SLC2A5: variants seen among roughly 807,000 people sequenced by gnomAD.
The protein encoded by SLC2A5 is solute carrier family 2 member 5, also known as solute carrier family 2, facilitated glucose transporter member 5.
In SLC2A5, 56 loss-of-function variants were observed where a neutral mutation model predicts 50.3. That is an observed-to-expected ratio of 1.11 (90% CI 0.90 to 1.39). The LOEUF is 1.39. Among genes scored for constraint, SLC2A5 ranks in the 40% most tolerant of loss-of-function variants. The pLI, the probability that SLC2A5 is intolerant of heterozygous loss-of-function variation, is 0.00. For synonymous variants in SLC2A5, 269 were observed against 281.9 expected (o/e 0.95, Z 0.46); for missense variants, 566 against 650.1 (o/e 0.87, Z 1.41).
At chr1:9,073,098 C>T (rs1455825099), upstream of SLC2A5, 1 of 152,220 alleles carries the variant, frequency 6.6e-6, no homozygotes, top group African/African-American at 2.4e-5. Flanking sequence ...TGGCACATCT[C>T]CGGGCTGTTC....
chr1:9,077,531 A>C (rs1642300695), intron 2 of SLC2A5, among the ~76,000 whole-genome samples: 1 of 151,474 alleles, frequency 6.6e-6, no homozygotes, highest in African/African-American at 2.4e-5. Flanking sequence ...GCCTGAGGTC[A>C]GGAGTTCAAG....
At chr1:9,074,410 G>A (rs2124468348), upstream of SLC2A5, among the ~76,000 whole-genome samples, 1 of 152,130 alleles carries the variant, frequency 6.6e-6, no homozygotes, top group Admixed American at 6.6e-5. Context: ...AAGAGGGAGA[G>A]TATGGTAACC....
Position 9,041,653 on chromosome 1 carries a change from A to T in SLC2A5, c.571+132T>A, listed in dbSNP as rs75852902. 1.4e-3 allele frequency: 2,142 copies of T among 1,541,780 alleles called. 20 individuals carry two copies. The African/African-American group carries it at 0.026, about 19-fold the overall frequency. On this transcript the variant is annotated intron_variant, in intron 5 of 11. Coordinates refer to ENST00000377424, the MANE Select transcript of SLC2A5 (RefSeq NM_003039.3). Reference sequence around the variant, plus strand: ...GGCTCGGGACAGGATGGGCCCCCCAAGGACATCCAGCCTGTTAGAAGAGAC... The same window carrying T: ...GGCTCGGGACAGGATGGGCCCCCCATGGACATCCAGCCTGTTAGAAGAGAC...
intron 1 of SLC2A5, among the ~76,000 whole-genome samples, chr1:9,063,886 G>A (rs1052253877): frequency 4.9e-5 from 7 of 143,540 alleles, no homozygotes; most frequent in East Asian, 4.0e-4. Flanking sequence ...TAGTAGAGAC[G>A]GGGTTTCACC....
intron 1 of SLC2A5, among the ~76,000 whole-genome samples, chr1:9,063,824 T>C (rs949137907): frequency 7.2e-5 from 10 of 138,492 alleles, no homozygotes; most frequent in Non-Finnish European, 1.5e-4. Flanking sequence ...GCCTCCCGAG[T>C]AGCTGGGACT....
intron 2 of SLC2A5, among the ~76,000 whole-genome samples, chr1:9,084,207 TC>T (rs1553172573): frequency 3.3e-5 from 5 of 151,986 alleles, no homozygotes; most frequent in Non-Finnish European, 7.4e-5. Context: ...TCCTGGGACA[TC>T]CATATTTGGC....
In SLC2A5 at chr1:9,055,641, T is replaced by G. The variant is rs4908809; in HGVS notation, c.293+1807A>C. Among the ~76,000 whole-genome samples the G allele has an allele frequency of 2.6e-5, 4 of 152,042 alleles. No homozygotes were observed. In the East Asian group the frequency reaches 7.8e-4, roughly 30 times the overall value. On this transcript the variant is annotated intron_variant, in intron 3 of 11. Coordinates refer to ENST00000377424, the MANE Select transcript of SLC2A5 (RefSeq NM_003039.3). Reference sequence around the variant, plus strand: ...TGCTATTTAAATAACACTGGCCACATGCAGTGTTTCACCTCTGTCATCTCA... The same window carrying G: ...TGCTATTTAAATAACACTGGCCACAGGCAGTGTTTCACCTCTGTCATCTCA...
intron 3 of SLC2A5, among the ~76,000 whole-genome samples, chr1:9,051,830 C>T (rs1641585011): frequency 1.3e-5 from 2 of 152,206 alleles, no homozygotes; most frequent in African/African-American, 4.8e-5. Flanking sequence ...CAGAAACTTA[C>T]ATGTGCATGG....
At chr1:9,047,262 T>G (rs34742522) in intron 4 of SLC2A5, among the ~76,000 whole-genome samples, 25,796 of 152,092 alleles carry the variant, frequency 0.17, 2,538 homozygotes, top group Admixed American at 0.24. Flanking sequence ...CACTCAGCTA[T>G]TCTATTTTTA....
upstream of SLC2A5, among the ~76,000 whole-genome samples, chr1:9,088,915 G>T (rs1286272303): frequency 6.6e-6 from 1 of 152,174 alleles, no homozygotes; most frequent in Non-Finnish European, 1.5e-5. Context: ...TCTCTGATTT[G>T]TCACAAATCA....
At chr1:9,057,419 C>G (rs936731698) in intron 3 of SLC2A5, 29 bp downstream of exon 3, 2 of 1,568,428 alleles carry the variant, frequency 1.3e-6, no homozygotes, top group Admixed American at 3.6e-5. Flanking sequence ...CTATGAGTTT[C>G]AGGGAATTAA....
chr1:9,062,449 G>A (rs1751679), intron 1 of SLC2A5, among the ~76,000 whole-genome samples: 61,859 of 152,010 alleles, frequency 0.41, 13,650 homozygotes, highest in African/African-American at 0.58. Flanking sequence ...TGGCTGGAGC[G>A]TGGGGAAAGG....
chr1:9,040,085 C>T lies in SLC2A5; in HGVS notation c.676G>A (p.Asp226Asn), dbSNP rs1349521999. The T allele has an allele frequency of 3.1e-6, 5 of 1,594,768 alleles. No homozygotes were observed. The highest frequency in any genetic ancestry group is 4.3e-6 in the Non-Finnish European group (5 of 1,169,978). Residue 226 changes from aspartate (D) to asparagine (N), a missense_variant, in exon 6 of 12, where the codon GAC becomes AAC. Transcript: ENST00000377424. This position sits in a 1 kb window ranked among gnomAD's most constrained non-coding sequence, Gnocchi z 4.3. ...TTACCTTTCTTGGCGGCCGCTTCGTCTTTCTTCTGAATCAGCAGGTACCTG... is the reference window on the plus strand; with the variant it reads ...TTACCTTTCTTGGCGGCCGCTTCGTTTTTCTTCTGAATCAGCAGGTACCTG... ...SPRYLLIQKK[D>N]EAAAKKALQT...
Position 9,040,062 on chromosome 1 carries a change from A to C in SLC2A5, c.697+2T>G. The C allele has an allele frequency of 6.3e-7, 1 of 1,585,656 alleles. No homozygotes were observed. Among genetic ancestry groups the C allele is most frequent in the East Asian group, 2.3e-5 (1 of 44,012 alleles). ...GGCCGCCCCCGCCAGAGCCCTCGTTACCTTTCTTGGCGGCCGCTTCGTCTT... is the reference window on the plus strand; with the variant it reads ...GGCCGCCCCCGCCAGAGCCCTCGTTCCCTTTCTTGGCGGCCGCTTCGTCTT... On this transcript the variant is annotated splice_donor_variant, in intron 6 of 11. Transcript: ENST00000377424. LOFTEE classifies it high-confidence loss of function. This position sits in a 1 kb window ranked among gnomAD's most constrained non-coding sequence, Gnocchi z 4.3.
At chr1:9,041,402 G>A in intron 5 of SLC2A5, 1 of 1,051,252 alleles carries the variant, frequency 9.5e-7, no homozygotes. Flanking sequence ...GTCCCAGGCA[G>A]CAGCGTTGCT....
At chr1:9,042,433 A>T (rs1312847848) in intron 4 of SLC2A5, among the ~76,000 whole-genome samples, 5 of 150,558 alleles carry the variant, frequency 3.3e-5, no homozygotes, top group South Asian at 4.2e-4. Context: ...GTGCGCGCGC[A>T]TGATATATAT....
At chr1:9,066,084 CAGTG>C (rs1466342850) in intron 1 of SLC2A5, among the ~76,000 whole-genome samples, 1 of 152,140 alleles carries the variant, frequency 6.6e-6, no homozygotes, top group Non-Finnish European at 1.5e-5. Context: ...AAATGAATAT[CAGTG>C]AGGACCCGGA....
chr1:9,066,113 G>A (rs1642075416), intron 1 of SLC2A5, among the ~76,000 whole-genome samples: 1 of 152,158 alleles, frequency 6.6e-6, no homozygotes, highest in African/African-American at 2.4e-5. Context: ...ACAGAGGGGT[G>A]TCAGTTGCTC....
chr1:9,043,297 T>G (rs1047831445), intron 4 of SLC2A5, among the ~76,000 whole-genome samples: 2 of 152,198 alleles, frequency 1.3e-5, no homozygotes, highest in Non-Finnish European at 2.9e-5. Flanking sequence ...AGGCCATGTT[T>G]TCCTGTTTGG....
Sources: allele counts gnomAD v4.1 joint callset (sites outside exome capture counted in the v4.1 genomes callset), GRCh38; gene constraint gnomAD v4.1.1; non-coding constraint Gnocchi (gnomAD v3.1); transcripts MANE v1.5; gene names NCBI Gene and HGNC (gene_info 2026-07-23, HGNC 2026-07-21).